Variants in DDX20 observed in about 807,000 individuals in gnomAD.
DDX20 encodes DEAD-box helicase 20.
A neutral mutation model predicts 76.4 loss-of-function variants in DDX20; 61 were observed. That is an observed-to-expected ratio of 0.80 (90% CI 0.65 to 0.99). The LOEUF is 0.99. DDX20 is among the 50% of genes least tolerant of loss of function. The pLI, the probability that DDX20 is intolerant of heterozygous loss-of-function variation, is 0.00. For missense variants in DDX20, 976 were observed against 996.8 expected (o/e 0.98, Z 0.28); for synonymous variants, 357 against 357.4 (o/e 1.00, Z 0.01).
At chr1:111,759,621 T>C in intron 3 of DDX20, 53 bp downstream of exon 3, 2 of 1,470,186 alleles carry the variant, frequency 1.4e-6, no homozygotes, top group South Asian at 2.4e-5. Flanking sequence ...CTACACACTT[T>C]TAATATAACA....
intron 1 of DDX20, 44 bp downstream of exon 1, chr1:111,756,269 A>AC: frequency 4.4e-5 from 52 of 1,187,300 alleles, no homozygotes; most frequent in Non-Finnish European, 5.2e-5. Flanking sequence ...GGGGTGGGAG[A>AC]AGGGGGACCG....
At position 111,759,385 on chromosome 1, in the gene DDX20, A is replaced by T. The variant is rs145086448; in HGVS notation, c.397-15A>T. On this transcript the variant is annotated splice_polypyrimidine_tract_variant and intron_variant, in intron 2 of 10. Coordinates refer to ENST00000369702, the MANE Select transcript of DDX20 (RefSeq NM_007204.5). ...TTCCTCTGACTCAAAGGTGTAATTT[A>T]TGGTTTTTTTTTAGATTTTGATCTT... is the stretch of plus-strand genomic sequence containing the variant. 854 of 1,592,260 alleles carry T rather than the reference A, an allele frequency of 5.4e-4. 6 individuals carry two copies. In the African/African-American group the frequency reaches 0.01, roughly 19 times the overall value.
intron 5 of DDX20, 45 bp downstream of exon 5, chr1:111,760,893 T>A (rs762335468): frequency 6.3e-7 from 1 of 1,595,514 alleles, no homozygotes; most frequent in South Asian, 1.1e-5. Context: ...TTATTTGTGA[T>A]ATGCTGGAGC....
rs748962475 is a variant in DDX20 at position 111,761,051 on chromosome 1, G to T, written c.888G>T (p.Lys296Asn). ...YPLAHKVFEE[K>N]TQHLQELFSR... ...TGGCACATAAGGTTTTTGAGGAAAA[G>T]ACTCAGCATTTACAGGAACTGTTCA... The change falls in exon 6 of 11, where the codon AAG becomes AAT. Residue 296 changes from lysine to asparagine, a missense_variant. Transcript: ENST00000369702. The T allele has an allele frequency of 6.2e-7, 1 of 1,613,944 alleles. No homozygotes were observed. Among genetic ancestry groups the T allele is most frequent in the Non-Finnish European group, 8.5e-7 (1 of 1,179,910 alleles).
At position 111,766,917 on chromosome 1, in the gene DDX20, G is replaced by A; in HGVS notation, c.*18G>A. 1 of 1,563,078 alleles carries A rather than the reference G, an allele frequency of 6.4e-7. No homozygotes were observed. Among genetic ancestry groups the A allele is most frequent in the Non-Finnish European group, 8.7e-7 (1 of 1,145,498 alleles). On this transcript the variant is annotated 3_prime_UTR_variant, in exon 11 of 11. Coordinates refer to ENST00000369702, the MANE Select transcript of DDX20 (RefSeq NM_007204.5). ...ACCAGTGATTATAGGATATACCTGA[G>A]ACCATCAGGAACTGTCAACAAATGA...
rs1557924706 is a variant in DDX20, at chr1:111,766,931, GTCAAC to G, written c.*33_*37del. On this transcript the variant is annotated 3_prime_UTR_variant, in exon 11 of 11. Coordinates refer to ENST00000369702, the MANE Select transcript of DDX20 (RefSeq NM_007204.5). ...GATATACCTGAGACCATCAGGAACT[GTCAAC>G]AAATGATACCTTTGGATATCCATCC... 1 of 1,504,504 alleles carries G rather than the reference GTCAAC, an allele frequency of 6.6e-7. No homozygotes were observed. Among genetic ancestry groups the G allele is most frequent in the Non-Finnish European group, 9.1e-7 (1 of 1,098,608 alleles). 93.2% of individuals were successfully genotyped at this position (1,504,504 alleles called of 1,614,324 possible).
rs560940106 is a variant in DDX20, at chr1:111,766,179, G to T, written c.1755G>T (p.Gln585His). ...IPCLSSFKIH[Q>H]PYTLTFAELV... ...GTCTGTCTTCCTTTAAAATCCATCA[G>T]CCATACACGTTGACTTTTGCTGAAT... The change falls in exon 11 of 11, where the codon CAG (glutamine) becomes CAT (histidine). Residue 585 changes from glutamine to histidine, a missense_variant. Gln to His is a conservative substitution (Grantham distance 24). Transcript: ENST00000369702. The T allele has an allele frequency of 6.2e-7, 1 of 1,614,148 alleles. No individual in the cohort carries two copies. Among genetic ancestry groups the T allele is most frequent in the African/African-American group, 1.3e-5 (1 of 75,022 alleles).
chr1:111,761,569 A>AC (rs1663676812), intron 7 of DDX20: 2 of 248,530 alleles, frequency 8.0e-6, no homozygotes, highest in South Asian at 2.6e-4. Context: ...ATTCTATAAA[A>AC]CCAAGTTTGT....
Position 111,761,224 on chromosome 1 carries a change from A to G in DDX20, c.963-2A>G, listed in dbSNP as rs1663668188. 1 of 1,613,084 alleles carries G rather than the reference A, an allele frequency of 6.2e-7. No individual in the cohort carries two copies. The highest frequency in any genetic ancestry group is 1.7e-5 in the Admixed American group (1 of 59,914). On this transcript the variant is annotated splice_acceptor_variant, in intron 6 of 10. Coordinates refer to ENST00000369702, the MANE Select transcript of DDX20 (RefSeq NM_007204.5). LOFTEE classifies it high-confidence loss of function. Reference sequence around the variant, plus strand: ...TGTAACCATTTATGTTATATTTCATAGAGCACAACATTTGGCTGATATCCT... The same window carrying G: ...TGTAACCATTTATGTTATATTTCATGGAGCACAACATTTGGCTGATATCCT...
chr1:111,762,115 T>C (rs1663686450), intron 7 of DDX20, 140 bp from the exon 8 acceptor site: 1 of 602,632 alleles, frequency 1.7e-6, no homozygotes, highest in Non-Finnish European at 2.9e-6. Flanking sequence ...AACCTAGATT[T>C]GCACAGAAGG....
In DDX20 at chr1:111,756,629, GT is replaced by G; in HGVS notation, c.302-10del. The G allele has an allele frequency of 6.2e-7, 1 of 1,612,020 alleles. No individual in the cohort carries two copies. Among genetic ancestry groups the G allele is most frequent in the Non-Finnish European group, 8.5e-7 (1 of 1,178,276 alleles). ...CAGTGAGTACTGGCTAGTGATAATTGTTTTTTTCCTTCGCAGATTTAATTGT... is the reference window on the plus strand; with the variant it reads ...CAGTGAGTACTGGCTAGTGATAATTGTTTTTTCCTTCGCAGATTTAATTGT... On this transcript the variant is annotated splice_polypyrimidine_tract_variant and intron_variant, in intron 1 of 10. Coordinates refer to ENST00000369702, the MANE Select transcript of DDX20 (RefSeq NM_007204.5).
rs777499460 is a variant in DDX20 at position 111,766,899 on chromosome 1, A to AT, written c.*2dup. The AT allele has an allele frequency of 6.2e-7, 1 of 1,601,290 alleles. No homozygotes were observed. Among genetic ancestry groups the AT allele is most frequent in the East Asian group, 2.2e-5 (1 of 44,802 alleles). On this transcript the variant is annotated 3_prime_UTR_variant, in exon 11 of 11. Coordinates refer to ENST00000369702, the MANE Select transcript of DDX20 (RefSeq NM_007204.5). ...AAGAAATGATGCATAGTAACCAGTG[A>AT]TTATAGGATATACCTGAGACCATCA...
intron 7 of DDX20, 50 bp from the exon 8 acceptor site, chr1:111,762,205 A>G: frequency 1.4e-6 from 2 of 1,452,668 alleles, no homozygotes; most frequent in South Asian, 2.4e-5. Context: ...TTGGATAAAT[A>G]TGTATTAGCT....
At chr1:111,764,015 C>G (rs1663726545) in intron 10 of DDX20, among the ~76,000 whole-genome samples, 1 of 152,052 alleles carries the variant, frequency 6.6e-6, no homozygotes. Flanking sequence ...ACATATAGGT[C>G]ACGCCTGTAA....
intron 1 of DDX20, 43 bp downstream of exon 1, chr1:111,756,268 G>GCCC: frequency 1.4e-6 from 1 of 739,120 alleles, no homozygotes; most frequent in Non-Finnish European, 2.0e-6. Context: ...TGGGGTGGGA[G>GCCC]AAGGGGGACC....
Position 111,766,529 on chromosome 1 carries a change from G to T in DDX20, c.2105G>T (p.Gly702Val). 6.2e-7 allele frequency: 1 copy of T among 1,614,154 alleles called. No homozygotes were observed. The highest frequency in any genetic ancestry group is 1.6e-4 in the Middle Eastern group (1 of 6,062). The part of the protein sequence containing the change: ...DRISLEQPPN[G>V]SDTPNPEKYQ... Reference sequence around the variant, plus strand: ...ATTTCTTTGGAACAACCACCAAATGGAAGTGACACCCCCAATCCAGAGAAA... The same window carrying T: ...ATTTCTTTGGAACAACCACCAAATGTAAGTGACACCCCCAATCCAGAGAAA... Residue 702 changes from glycine to valine, a missense_variant, in exon 11 of 11, where the codon GGA (glycine) becomes GTA (valine). By Grantham distance (109) the Gly-to-Val change is moderately radical (BLOSUM62 -3). Around this residue, in one of 3 missense-constraint regions of DDX20, gnomAD observed 630 missense variants for 693.7 expected, o/e 0.91. Coordinates refer to ENST00000369702, the MANE Select transcript of DDX20 (RefSeq NM_007204.5).
chr1:111,755,980 C>A lies in DDX20; in HGVS notation c.56C>A (p.Pro19Gln). The change falls in exon 1 of 11, where the codon CCG (proline) becomes CAG (glutamine). Residue 19 changes from proline to glutamine, a missense_variant. Pro to Gln is a moderately conservative substitution (Grantham distance 76). Around this residue, in one of 3 missense-constraint regions of DDX20, gnomAD observed 343 missense variants for 286.4 expected, o/e 1.20. Coordinates refer to ENST00000369702, the MANE Select transcript of DDX20 (RefSeq NM_007204.5). Reference protein sequence around the residue: ...GALAAVATAMPAEHVAVQVPA... With the variant: ...GALAAVATAMQAEHVAVQVPA... ...TTAGCAGCAGTGGCGACTGCTATGCCGGCTGAGCATGTGGCCGTGCAGGTC... is the reference window on the plus strand; with the variant it reads ...TTAGCAGCAGTGGCGACTGCTATGCAGGCTGAGCATGTGGCCGTGCAGGTC... The A allele has an allele frequency of 6.2e-7, 1 of 1,601,028 alleles. No homozygotes were observed. Among genetic ancestry groups the A allele is most frequent in the Non-Finnish European group, 8.5e-7 (1 of 1,171,122 alleles).
rs145086448 is a variant in DDX20 at position 111,759,385 on chromosome 1, A to C, written c.397-15A>C. On this transcript the variant is annotated splice_polypyrimidine_tract_variant and intron_variant, in intron 2 of 10. Coordinates refer to ENST00000369702, the MANE Select transcript of DDX20 (RefSeq NM_007204.5). Reference sequence around the variant, plus strand: ...TTCCTCTGACTCAAAGGTGTAATTTATGGTTTTTTTTTAGATTTTGATCTT... The same window carrying C: ...TTCCTCTGACTCAAAGGTGTAATTTCTGGTTTTTTTTTAGATTTTGATCTT... The C allele has an allele frequency of 6.3e-7, 1 of 1,592,264 alleles. No individual in the cohort carries two copies. The highest frequency in any genetic ancestry group is 8.6e-7 in the Non-Finnish European group (1 of 1,169,296).
In DDX20 at chr1:111,762,686, G is replaced by A; in HGVS notation, c.1114G>A (p.Gly372Arg). ...TCTTCTTCAATTCAAGACTTCTCGTGGGATTGATGCTGAGAAGGTGAATCT... is the reference window on the plus strand; with the variant it reads ...TCTTCTTCAATTCAAGACTTCTCGTAGGATTGATGCTGAGAAGGTGAATCT... ...VLISTDLTSRGIDAEKVNLVV... is the reference protein window; with the variant it reads ...VLISTDLTSRRIDAEKVNLVV... Residue 372 changes from glycine (G) to arginine (R), a missense_variant, in exon 9 of 11, where the codon GGG (glycine) becomes AGG (arginine). Around this residue, in one of 3 missense-constraint regions of DDX20, gnomAD observed 630 missense variants for 693.7 expected, o/e 0.91. Coordinates refer to ENST00000369702, the MANE Select transcript of DDX20 (RefSeq NM_007204.5). The A allele has an allele frequency of 1.2e-6, 2 of 1,613,042 alleles. No homozygotes were observed.
Sources: gnomAD v4.1 joint callset for allele counts (sites outside exome capture counted in the v4.1 genomes callset) on GRCh38, gnomAD v4.1.1 for gene constraint, gnomAD v4.1.1 regional missense constraint, MANE v1.5 for transcripts, NCBI Gene and HGNC (gene_info 2026-07-23, HGNC 2026-07-21) for gene names.